ARHGAP21: variants seen among roughly 807,000 people sequenced by gnomAD.
The protein encoded by ARHGAP21 is rho GTPase-activating protein 21.
In ARHGAP21, 38 loss-of-function variants were observed where a neutral mutation model predicts 164.6. The ratio of observed to expected loss-of-function variants is 0.23; its 90% CI spans 0.18 to 0.30. ARHGAP21 has a LOEUF of 0.30. Among genes scored for constraint, ARHGAP21 ranks in the 10% least tolerant of loss-of-function variants. ARHGAP21 has a pLI of 1.00. For missense variants in ARHGAP21, 1,822 were observed against 2,370.7 expected (o/e 0.77, Z 4.81); for synonymous variants, 766 against 857.9 (o/e 0.89, Z 1.87).
rs1332033724 is a variant in ARHGAP21 at position 24,723,570 on chromosome 10, G to C, written c.-389C>G. 1 of 147,624 alleles carries C rather than the reference G, an allele frequency of 6.8e-6. No individual in the cohort carries two copies. Among genetic ancestry groups the C allele is most frequent in the Non-Finnish European group, 1.5e-5 (1 of 66,150 alleles). The allele number at this position is 147,624 out of a possible 1,614,324, so 9.1% of individuals were successfully genotyped here. A position where few individuals can be genotyped will look rare whatever the true frequency, so the allele number is the denominator to read the frequency against. On this transcript the variant is annotated 5_prime_UTR_variant, in exon 1 of 26. Coordinates refer to ENST00000396432, the MANE Select transcript of ARHGAP21 (RefSeq NM_020824.4). ...AGAAACCAGACACGCACCAGAGGAA[G>C]CGGGACGAGTGGATCCGCACGGGGC...
At chr10:24,694,025 C>T (rs1842949284) in intron 2 of ARHGAP21, among the ~76,000 whole-genome samples, 1 of 152,148 alleles carries the variant, frequency 6.6e-6, no homozygotes, top group Non-Finnish European at 1.5e-5. Flanking sequence ...AAGATATACA[C>T]CAATGGCCCA....
intron 2 of ARHGAP21, among the ~76,000 whole-genome samples, chr10:24,720,857 T>C (rs1303285644): frequency 3.9e-5 from 6 of 152,190 alleles, no homozygotes; most frequent in Non-Finnish European, 1.5e-5. Flanking sequence ...AATGAAAACA[T>C]AGGCATCTCA....
Position 24,620,146 on chromosome 10 carries a change from A to T in ARHGAP21, c.1749T>A (p.Phe583Leu). ...TTTTTAGATCTGGTGGAATTTTTTTAAACTGCGACACAGATCCCACTCCTC... is the reference window on the plus strand; with the variant it reads ...TTTTTAGATCTGGTGGAATTTTTTTTAACTGCGACACAGATCCCACTCCTC... ...SGRGVGSVSQFKKIPPDLKTL... is the reference protein window; with the variant it reads ...SGRGVGSVSQLKKIPPDLKTL... The change falls in exon 9 of 26, where the codon TTT becomes TTA. Residue 583 changes from phenylalanine to leucine, a missense_variant. Physicochemically the swap from Phe to Leu is conservative, Grantham distance 22. Transcript: ENST00000396432. 3.7e-6 allele frequency: 6 copies of T among 1,613,962 alleles called. No individual in the cohort carries two copies. The highest frequency in any genetic ancestry group is 5.1e-6 in the Non-Finnish European group (6 of 1,179,868).
chr10:24,635,912 T>C (rs1836337227), intron 4 of ARHGAP21, among the ~76,000 whole-genome samples: 1 of 152,158 alleles, frequency 6.6e-6, no homozygotes, highest in Non-Finnish European at 1.5e-5. Context: ...CATATTCCTT[T>C]CCCTTCAGGG....
chr10:24,720,436 A>G (rs1396299846), intron 2 of ARHGAP21, among the ~76,000 whole-genome samples: 2 of 152,234 alleles, frequency 1.3e-5, no homozygotes, highest in African/African-American at 2.4e-5. Flanking sequence ...AAAAGGAGTT[A>G]TTATGGTTTA....
At chr10:24,594,298 G>GT (rs2076478330) in intron 21 of ARHGAP21, among the ~76,000 whole-genome samples, 1 of 152,164 alleles carries the variant, frequency 6.6e-6, no homozygotes, top group Admixed American at 6.5e-5. Flanking sequence ...TGTAGACCTT[G>GT]TTTGGATATT....
intron 9 of ARHGAP21, among the ~76,000 whole-genome samples, chr10:24,618,924 A>C (rs1454731943): frequency 6.6e-6 from 1 of 152,170 alleles, no homozygotes; most frequent in East Asian, 1.9e-4. Context: ...AGCAGACAGA[A>C]GACTCAACAG....
intron 25 of ARHGAP21, among the ~76,000 whole-genome samples, chr10:24,586,953 T>C (rs1372841082): frequency 6.6e-6 from 1 of 152,068 alleles, no homozygotes; most frequent in Non-Finnish European, 1.5e-5. Context: ...GGTCAGAGGA[T>C]CACCTGAGCC....
At chr10:24,587,404 T>C (rs1026207523) in intron 25 of ARHGAP21, among the ~76,000 whole-genome samples, 4 of 152,148 alleles carry the variant, frequency 2.6e-5, no homozygotes, top group African/African-American at 4.8e-5. Context: ...AGACAGTATA[T>C]TTCTCTATTG....
At chr10:24,698,713 C>T (rs1228207292) in intron 2 of ARHGAP21, among the ~76,000 whole-genome samples, 1 of 152,208 alleles carries the variant, frequency 6.6e-6, no homozygotes, top group East Asian at 1.9e-4. Context: ...GATCCAGAAG[C>T]AGCTGGCTTG....
intron 4 of ARHGAP21, among the ~76,000 whole-genome samples, chr10:24,641,354 A>G (rs545570034): frequency 6.5e-4 from 99 of 152,326 alleles, no homozygotes; most frequent in Middle Eastern, 6.8e-3. Flanking sequence ...TATTAAATTT[A>G]GGTGTTCCCC....
intron 4 of ARHGAP21, among the ~76,000 whole-genome samples, chr10:24,642,068 A>G (rs1326814479): frequency 6.6e-6 from 1 of 152,106 alleles, no homozygotes; most frequent in African/African-American, 2.4e-5. Flanking sequence ...AATAAAGCCC[A>G]TGAATGCAGC....
intron 6 of ARHGAP21, among the ~76,000 whole-genome samples, chr10:24,631,326 T>C (rs1835836644): frequency 6.6e-6 from 1 of 152,178 alleles, no homozygotes; most frequent in South Asian, 2.1e-4. Flanking sequence ...ATCATGCCAT[T>C]GCATTCCAGC....
chr10:24,653,110 T>C (rs1838369399), intron 4 of ARHGAP21, among the ~76,000 whole-genome samples: 1 of 152,214 alleles, frequency 6.6e-6, no homozygotes, highest in South Asian at 2.1e-4. Context: ...ATACCCATTT[T>C]AAGTGCAGGG....
intron 24 of ARHGAP21, chr10:24,590,649 T>C (rs2076287596): frequency 7.3e-7 from 1 of 1,372,428 alleles, no homozygotes; most frequent in Non-Finnish European, 9.4e-7. Flanking sequence ...GAAGAACTAA[T>C]ACTTAACCAA....
At chr10:24,719,437 T>C (rs1845712444) in intron 2 of ARHGAP21, among the ~76,000 whole-genome samples, 1 of 152,190 alleles carries the variant, frequency 6.6e-6, no homozygotes, top group Non-Finnish European at 1.5e-5. Flanking sequence ...CACAAGGCCT[T>C]ATTCAGAGAA....
chr10:24,590,747 A>T, intron 24 of ARHGAP21: 1 of 985,256 alleles, frequency 1.0e-6, no homozygotes, highest in Non-Finnish European at 1.2e-6. Flanking sequence ...GTATTTATGA[A>T]AATGTATTTA....
intron 2 of ARHGAP21, among the ~76,000 whole-genome samples, chr10:24,718,201 GGACCAATAAATAGATGGTA>G (rs1479498073): frequency 2.6e-5 from 4 of 152,134 alleles, no homozygotes; most frequent in African/African-American, 9.7e-5. Flanking sequence ...TTTTTGACTT[GGACCAATAAATAGATGGTA>G]GTGCTACTCA....
intron 7 of ARHGAP21, among the ~76,000 whole-genome samples, chr10:24,625,262 C>A (rs568246042): frequency 6.1e-5 from 8 of 131,172 alleles, no homozygotes; most frequent in Admixed American, 1.8e-4. Context: ...ATCACCATGA[C>A]CATACCTATG....
Sources: allele counts gnomAD v4.1 joint callset (sites outside exome capture counted in the v4.1 genomes callset), GRCh38; gene constraint gnomAD v4.1.1; transcripts MANE v1.5; gene names NCBI Gene and HGNC (gene_info 2026-07-23, HGNC 2026-07-21).